ABCG2: variants seen among roughly 807,000 people sequenced by gnomAD.
The protein encoded by ABCG2 is ATP binding cassette subfamily G member 2 (JR blood group).
Under a neutral mutation model 73.5 loss-of-function variants are expected in ABCG2, and 80 were observed. The ratio of observed to expected loss-of-function variants is 1.09; its 90% CI spans 0.91 to 1.31. The LOEUF is 1.31. Among genes scored for constraint, ABCG2 ranks in the 50% most tolerant of loss-of-function variants. The probability of loss-of-function intolerance (pLI) is 0.00; values close to 1 mark genes in which losing one functional copy is unlikely to be tolerated. For missense variants in ABCG2, 796 were observed against 786.2 expected (o/e 1.01, Z -0.15); for synonymous variants, 269 against 282.4 (o/e 0.95, Z 0.48).
At chr4:88,194,336 GTCAGGAGA>G (rs1728841021) in intron 1 of ABCG2, among the ~76,000 whole-genome samples, 1 of 151,690 alleles carries the variant, frequency 6.6e-6, no homozygotes, top group African/African-American at 2.4e-5. Context: ...GGATCACGAG[GTCAGGAGA>G]TAAAGACCAT....
chr4:88,098,704 G>C (rs932187087), intron 12 of ABCG2, among the ~76,000 whole-genome samples: 5 of 123,700 alleles, frequency 4.0e-5, no homozygotes, highest in African/African-American at 1.4e-4. Flanking sequence ...AGAAAACATA[G>C]ATAGGCTATA....
chr4:88,217,275 T>C (rs1729850199), intron 1 of ABCG2, among the ~76,000 whole-genome samples: 1 of 152,156 alleles, frequency 6.6e-6, no homozygotes, highest in Non-Finnish European at 1.5e-5. Context: ...GGCTTAATTA[T>C]AGTGTGAGCA....
intron 6 of ABCG2, among the ~76,000 whole-genome samples, chr4:88,119,484 C>A (rs888079055): frequency 1.3e-5 from 2 of 152,186 alleles, no homozygotes; most frequent in African/African-American, 4.8e-5. Flanking sequence ...AAGTTTGGAA[C>A]CTCCTAGAGA....
intron 2 of ABCG2, among the ~76,000 whole-genome samples, chr4:88,135,020 T>C (rs1182724705): frequency 1.3e-5 from 2 of 152,214 alleles, no homozygotes; most frequent in Non-Finnish European, 2.9e-5. Context: ...CTCATTCCCT[T>C]ACATATTACC....
chr4:88,105,882 A>AAT (rs1470060340), intron 10 of ABCG2, among the ~76,000 whole-genome samples: 4 of 152,212 alleles, frequency 2.6e-5, no homozygotes, highest in Non-Finnish European at 5.9e-5. Context: ...AAATGGGCAA[A>AAT]GGACTTGAAT....
intron 9 of ABCG2, among the ~76,000 whole-genome samples, chr4:88,110,313 G>A (rs780159204): frequency 6.6e-6 from 1 of 151,990 alleles, no homozygotes; most frequent in Non-Finnish European, 1.5e-5. Context: ...GGACTGAAGC[G>A]GGTGGACCCA....
chr4:88,122,034 CT>C (rs2110023023), intron 5 of ABCG2, among the ~76,000 whole-genome samples: 1 of 152,128 alleles, frequency 6.6e-6, no homozygotes, highest in South Asian at 2.1e-4. Context: ...TTGGGTGAGG[CT>C]ATGCCTCACC....
At chr4:88,110,380 T>C (rs529062470) in intron 9 of ABCG2, among the ~76,000 whole-genome samples, 4 of 152,072 alleles carry the variant, frequency 2.6e-5, no homozygotes, top group African/African-American at 7.2e-5. Context: ...CTGTCTATAC[T>C]AAAAATACAA....
At chr4:88,126,994 T>C (rs1380528021) in intron 5 of ABCG2, among the ~76,000 whole-genome samples, 1 of 152,192 alleles carries the variant, frequency 6.6e-6, no homozygotes, top group East Asian at 1.9e-4. Flanking sequence ...ATTGTCTCTG[T>C]TTGCAGATGA....
At chr4:88,190,099 T>C (rs1046961293) in intron 1 of ABCG2, among the ~76,000 whole-genome samples, 5 of 152,238 alleles carry the variant, frequency 3.3e-5, no homozygotes, top group Admixed American at 3.3e-4. Flanking sequence ...TCACCCCTTA[T>C]ATACTGAACA....
intron 1 of ABCG2, among the ~76,000 whole-genome samples, chr4:88,156,058 C>G (rs1726916059): frequency 6.6e-6 from 1 of 151,760 alleles, no homozygotes; most frequent in African/African-American, 2.4e-5. Context: ...TTCTCTGATG[C>G]CAGAAATCAA....
At chr4:88,228,395 C>A (rs948286808) in intron 1 of ABCG2, among the ~76,000 whole-genome samples, 1 of 152,078 alleles carries the variant, frequency 6.6e-6, no homozygotes, top group Non-Finnish European at 1.5e-5. Context: ...TACAATCTAC[C>A]CCCAAAAAGT....
chr4:88,160,588 G>T (rs556712366), upstream of ABCG2, among the ~76,000 whole-genome samples: 1 of 152,144 alleles, frequency 6.6e-6, no homozygotes, highest in African/African-American at 2.4e-5. Context: ...GGTGGCTCAC[G>T]CCTGTAATCC....
intron 15 of ABCG2, among the ~76,000 whole-genome samples, chr4:88,093,630 A>T (rs1721793862): frequency 6.6e-6 from 1 of 151,878 alleles, no homozygotes; most frequent in South Asian, 2.1e-4. Flanking sequence ...CATCCACTTC[A>T]TCCTGACCAC....
chr4:88,100,261 C>T (rs185306288), intron 11 of ABCG2, among the ~76,000 whole-genome samples: 118 of 151,370 alleles, frequency 7.8e-4, no homozygotes, highest in Non-Finnish European at 1.3e-3. Flanking sequence ...GTGCTTTGGG[C>T]GGCCAAAGGG....
At chr4:88,122,190 G>A (rs1407211895) in intron 5 of ABCG2, among the ~76,000 whole-genome samples, 1 of 152,256 alleles carries the variant, frequency 6.6e-6, no homozygotes, top group Middle Eastern at 3.4e-3. Context: ...ATTCCCGCAG[G>A]TGCCTACATC....
At chr4:88,117,870 C>T (rs1723699606) in intron 7 of ABCG2, among the ~76,000 whole-genome samples, 1 of 152,074 alleles carries the variant, frequency 6.6e-6, no homozygotes, top group African/African-American at 2.4e-5. Flanking sequence ...AATATAGGCC[C>T]AGTAGAAATA....
At chr4:88,211,358 G>GGCC (rs1553900212) in intron 1 of ABCG2, among the ~76,000 whole-genome samples, 9 of 33,674 alleles carry the variant, frequency 2.7e-4, no homozygotes, top group Admixed American at 4.4e-4. Flanking sequence ...TTCAACCCCT[G>GGCC]CCCCACCCCC....
At chr4:88,201,760 G>A (rs1450902233) in intron 1 of ABCG2, 6 of 152,072 alleles carry the variant, frequency 3.9e-5, no homozygotes, top group Admixed American at 6.6e-5. Context: ...AGATTAGCAC[G>A]GCGCCCTACA....
Sources: allele counts gnomAD v4.1 joint callset (sites outside exome capture counted in the v4.1 genomes callset), GRCh38; gene constraint gnomAD v4.1.1; transcripts MANE v1.5; gene names NCBI Gene and HGNC (gene_info 2026-07-23, HGNC 2026-07-21).